HCN1: variants seen among roughly 807,000 people sequenced by gnomAD.
HCN1 encodes hyperpolarization activated cyclic nucleotide gated potassium channel 1.
Under a neutral mutation model 78.9 loss-of-function variants are expected in HCN1, and 13 were observed. The observed-to-expected ratio is 0.16, with a 90% CI of 0.11 to 0.26. The LOEUF is 0.26. HCN1 is among the 10% of genes least tolerant of loss of function. The pLI, the probability that HCN1 is intolerant of heterozygous loss-of-function variation, is 1.00. For synonymous variants in HCN1, 552 were observed against 455.5 expected (o/e 1.21, Z -2.70); for missense variants, 810 against 1,154.3 (o/e 0.70, Z 4.32).
At chr5:45,401,155 A>G (rs1739795887) in intron 3 of HCN1, among the ~76,000 whole-genome samples, 1 of 152,168 alleles carries the variant, frequency 6.6e-6, no homozygotes, top group African/African-American at 2.4e-5. Context: ...TTTCAGTTTG[A>G]TTTTAAAATA....
intron 2 of HCN1, among the ~76,000 whole-genome samples, chr5:45,581,311 T>C (rs1398086551): frequency 6.6e-6 from 1 of 151,788 alleles, no homozygotes; most frequent in African/African-American, 2.4e-5. Flanking sequence ...TTTGTTCATG[T>C]GTCTTTCGGC....
At chr5:45,349,751 C>A (rs569357682) in intron 5 of HCN1, among the ~76,000 whole-genome samples, 1 of 152,024 alleles carries the variant, frequency 6.6e-6, no homozygotes, top group Non-Finnish European at 1.5e-5. Flanking sequence ...AACACCTCTA[C>A]GCAAACTGAC....
At chr5:45,467,201 C>T (rs1038296371) in intron 2 of HCN1, among the ~76,000 whole-genome samples, 2 of 152,062 alleles carry the variant, frequency 1.3e-5, no homozygotes, top group African/African-American at 2.4e-5. Context: ...CTCCCCACCA[C>T]CTTCCCCTCC....
At chr5:45,350,068 C>G (rs1432165704) in intron 5 of HCN1, among the ~76,000 whole-genome samples, 1 of 151,904 alleles carries the variant, frequency 6.6e-6, no homozygotes, top group African/African-American at 2.4e-5. Flanking sequence ...AGACACACAA[C>G]CAAAAAAAAG....
chr5:45,272,277 G>T (rs1190751903), intron 6 of HCN1, among the ~76,000 whole-genome samples: 1 of 151,974 alleles, frequency 6.6e-6, no homozygotes, highest in African/African-American at 2.4e-5. Flanking sequence ...GGGATGGGGG[G>T]TGTTTAAATA....
chr5:45,364,726 C>T (rs1281456927), intron 4 of HCN1, among the ~76,000 whole-genome samples: 3 of 151,954 alleles, frequency 2.0e-5, no homozygotes, highest in African/African-American at 4.8e-5. Flanking sequence ...GTAATTTTCC[C>T]TAATGCTTGT....
At chr5:45,283,464 A>G (rs1353401504) in intron 6 of HCN1, among the ~76,000 whole-genome samples, 1 of 152,196 alleles carries the variant, frequency 6.6e-6, no homozygotes, top group Non-Finnish European at 1.5e-5. Flanking sequence ...AAACAACACC[A>G]TTAAAATGTG....
rs191344635 is a variant in HCN1, at chr5:45,657,759, T to G, written c.426-12151A>C. Among the ~76,000 whole-genome samples, 521 of 152,234 alleles carry G rather than the reference T, an allele frequency of 3.4e-3. 2 individuals carry two copies. Among genetic ancestry groups the G allele is most frequent in the Non-Finnish European group, 5.7e-3 (391 of 68,010 alleles). ...TAAAAGAGGATACAAAGAAATGGAA[T>G]AACATTCCATGCTCATGGGTAGGAA... is the stretch of plus-strand genomic sequence containing the variant. On this transcript the variant is annotated intron_variant, in intron 1 of 7. Coordinates refer to ENST00000303230, the MANE Select transcript of HCN1 (RefSeq NM_021072.4).
At chr5:45,545,168 G>A (rs1489135125) in intron 2 of HCN1, among the ~76,000 whole-genome samples, 5 of 152,266 alleles carry the variant, frequency 3.3e-5, no homozygotes, top group African/African-American at 1.2e-4. Context: ...GTATCTCATT[G>A]TGGTTTTGAT....
Position 45,267,192 on chromosome 5 carries a change from A to G in HCN1, c.1680T>C (p.Arg560=), listed in dbSNP as rs1561081385. The G allele has an allele frequency of 6.8e-6, 11 of 1,614,006 alleles. No homozygotes were observed. Among genetic ancestry groups the G allele is most frequent in the Non-Finnish European group, 9.3e-6 (11 of 1,179,920 alleles). ...AATTGTCCACGGAAAGTGAGTAAAG[A>G]CGACAATATGTATCAGCTCGAACAC... ...TASVRADTYC[R]LYSLSVDNFN... Residue 560 remains arginine, a synonymous_variant, in exon 7 of 8, where the codon CGT becomes CGC. Coordinates refer to ENST00000303230, the MANE Select transcript of HCN1 (RefSeq NM_021072.4).
At chr5:45,684,716 C>A (rs1739770172) in intron 1 of HCN1, among the ~76,000 whole-genome samples, 1 of 152,024 alleles carries the variant, frequency 6.6e-6, no homozygotes, top group Non-Finnish European at 1.5e-5. Context: ...CAAAAACTAG[C>A]TAGGTGTGGT....
At chr5:45,439,063 CA>C (rs1210801217) in intron 3 of HCN1, among the ~76,000 whole-genome samples, 1 of 152,030 alleles carries the variant, frequency 6.6e-6, no homozygotes, top group Non-Finnish European at 1.5e-5. Context: ...TTATAGAACT[CA>C]AAAATATATT....
intron 2 of HCN1, among the ~76,000 whole-genome samples, chr5:45,576,956 C>A (rs1395256837): frequency 6.6e-6 from 1 of 151,970 alleles, no homozygotes; most frequent in Non-Finnish European, 1.5e-5. Context: ...ACCCTCTATG[C>A]AAACTTAAAG....
At chr5:45,393,634 TA>T (rs1416163391) in intron 4 of HCN1, among the ~76,000 whole-genome samples, 1 of 152,168 alleles carries the variant, frequency 6.6e-6, no homozygotes, top group Non-Finnish European at 1.5e-5. Context: ...ACATTTACAC[TA>T]AAAAACACTT....
intron 1 of HCN1, among the ~76,000 whole-genome samples, chr5:45,678,284 T>A (rs962798945): frequency 2.6e-5 from 4 of 151,932 alleles, no homozygotes; most frequent in African/African-American, 9.7e-5. Context: ...TGGAGGAATT[T>A]CTTGGGCATC....
intron 2 of HCN1, among the ~76,000 whole-genome samples, chr5:45,566,501 C>T (rs765565909): frequency 9.3e-5 from 14 of 150,976 alleles, no homozygotes; most frequent in South Asian, 2.1e-4. Context: ...TCATTTAATG[C>T]CTCATATCAA....
intron 2 of HCN1, among the ~76,000 whole-genome samples, chr5:45,616,375 G>A (rs1036223456): frequency 3.3e-5 from 5 of 151,866 alleles, no homozygotes; most frequent in African/African-American, 7.2e-5. Flanking sequence ...CTGAGAGTGC[G>A]CCTAAAATAG....
intron 2 of HCN1, among the ~76,000 whole-genome samples, chr5:45,573,776 G>C (rs1023799285): frequency 6.6e-6 from 1 of 151,882 alleles, no homozygotes; most frequent in Non-Finnish European, 1.5e-5. Flanking sequence ...AATTACATTC[G>C]CAGTAGTATT....
At chr5:45,479,147 G>T (rs1006074100) in intron 2 of HCN1, among the ~76,000 whole-genome samples, 2 of 151,524 alleles carry the variant, frequency 1.3e-5, no homozygotes, top group Non-Finnish European at 2.9e-5. Context: ...AAAAGAATGA[G>T]TTGAAGAAGA....
Sources: gnomAD v4.1 joint callset for allele counts (sites outside exome capture counted in the v4.1 genomes callset) on GRCh38, gnomAD v4.1.1 for gene constraint, MANE v1.5 for transcripts, NCBI Gene and HGNC (gene_info 2026-07-23, HGNC 2026-07-21) for gene names.